The following ADGRD1 variants were observed in gnomAD, a reference collection of about 807,000 sequenced individuals.
The protein encoded by ADGRD1 is adhesion G protein-coupled receptor D1.
ADGRD1 carries 77 observed loss-of-function variants against 113.4 expected under a neutral mutation model. The observed-to-expected ratio is 0.68, with a 90% CI of 0.57 to 0.82. The LOEUF is 0.82. Ranked by LOEUF, ADGRD1 falls within the 40% of genes least tolerant of loss-of-function variation. The pLI is 0.00. For missense variants in ADGRD1, 1,036 were observed against 1,139.1 expected (o/e 0.91, Z 1.30); for synonymous variants, 474 against 475.0 (o/e 1.00, Z 0.03).
At chr12:131,030,458 G>A (rs376956031) in intron 13 of ADGRD1, 1 of 152,728 alleles carries the variant, frequency 6.5e-6, no homozygotes, top group Admixed American at 6.5e-5. Flanking sequence ...GTTGCAGCGT[G>A]CGCAGGCCCT....
At chr12:131,122,213 G>A (rs1253219739) in intron 20 of ADGRD1, among the ~76,000 whole-genome samples, 1 of 152,144 alleles carries the variant, frequency 6.6e-6, no homozygotes, top group East Asian at 1.9e-4. Flanking sequence ...GTTGCGCGGG[G>A]CGCCACGAGC....
chr12:131,118,168 TGTGA>T (rs944276920), intron 18 of ADGRD1, among the ~76,000 whole-genome samples: 2 of 152,236 alleles, frequency 1.3e-5, no homozygotes, highest in African/African-American at 4.8e-5. Context: ...AGTGTGAACA[TGTGA>T]GTATGAGTGT....
chr12:131,012,059 ATGT>A (rs1877988237), intron 12 of ADGRD1, among the ~76,000 whole-genome samples: 2 of 152,086 alleles, frequency 1.3e-5, no homozygotes, highest in Admixed American at 1.3e-4. Context: ...CAGACGGTGA[ATGT>A]TGTTCTTCCG....
chr12:131,009,692 G>A (rs1235385992), intron 12 of ADGRD1, among the ~76,000 whole-genome samples: 3 of 152,144 alleles, frequency 2.0e-5, no homozygotes, highest in Non-Finnish European at 2.9e-5. Context: ...CTTGTGTGGT[G>A]TATGTGCGTT....
chr12:131,088,730 C>T (rs1368347781), intron 15 of ADGRD1, among the ~76,000 whole-genome samples: 4 of 152,116 alleles, frequency 2.6e-5, no homozygotes, highest in African/African-American at 7.2e-5. Context: ...AGCGGCAGCC[C>T]GCTGGTGTGG....
At chr12:131,110,738 G>A (rs1950329556) in intron 18 of ADGRD1, among the ~76,000 whole-genome samples, 1 of 152,140 alleles carries the variant, frequency 6.6e-6, no homozygotes, top group Admixed American at 6.5e-5. Context: ...TTCTGTGTGT[G>A]TTAAGATTAC....
chr12:131,124,016 G>T (rs940228199), intron 20 of ADGRD1, among the ~76,000 whole-genome samples: 1 of 152,182 alleles, frequency 6.6e-6, no homozygotes, highest in Admixed American at 6.5e-5. Flanking sequence ...TGCGTGGCCC[G>T]CAAAGCCAAA....
In ADGRD1 at chr12:131,050,749, A is replaced by T. The variant is rs927669034; in HGVS notation, c.1474-26052A>T. On this transcript the variant is annotated intron_variant, in intron 13 of 24. Transcript: ENST00000261654. This position sits in a 1 kb window ranked among gnomAD's most constrained non-coding sequence, Gnocchi z 4.8. ...TTCGTGGAAGACAATTTTTGCACGG[A>T]TGGGGTGGGGGATGGATTCGGGATG... is the stretch of plus-strand genomic sequence containing the variant. 1.3e-5 allele frequency among the ~76,000 whole-genome samples: 2 copies of T among 152,058 alleles called. No homozygotes were observed. The highest frequency in any genetic ancestry group is 4.8e-5 in the African/African-American group (2 of 41,400).
rs1887283458 is a variant in ADGRD1 at position 131,096,418 on chromosome 12, C to G, written c.1672-8413C>G. 6.6e-6 allele frequency among the ~76,000 whole-genome samples: 1 copy of G among 152,166 alleles called. No homozygotes were observed. The highest frequency in any genetic ancestry group is 2.4e-5 in the African/African-American group (1 of 41,436). ...TGCACCACCATGCCTGGCAAGATAGCACACTTTAAAAAATGTATGCACGTA... is the reference window on the plus strand; with the variant it reads ...TGCACCACCATGCCTGGCAAGATAGGACACTTTAAAAAATGTATGCACGTA... On this transcript the variant is annotated intron_variant, in intron 15 of 24. Transcript: ENST00000261654. This position sits in a 1 kb window ranked among gnomAD's most constrained non-coding sequence, Gnocchi z 5.2.
intron 17 of ADGRD1, among the ~76,000 whole-genome samples, chr12:131,106,651 G>A (rs1566115770): frequency 6.6e-6 from 1 of 152,174 alleles, no homozygotes; most frequent in South Asian, 2.1e-4. Flanking sequence ...ATGCCTAGCG[G>A]GTCAGCAGAG....
intron 22 of ADGRD1, among the ~76,000 whole-genome samples, chr12:131,136,682 C>G (rs1344056141): frequency 1.3e-5 from 2 of 152,240 alleles, no homozygotes; most frequent in Non-Finnish European, 2.9e-5. Flanking sequence ...GCACGTCTTC[C>G]GGAAGTGCCT....
chr12:131,087,050 C>T (rs1350904337), intron 15 of ADGRD1, among the ~76,000 whole-genome samples: 2 of 152,150 alleles, frequency 1.3e-5, no homozygotes, highest in Non-Finnish European at 2.9e-5. Flanking sequence ...GGACTACAGG[C>T]ACATGCCACA....
At chr12:131,121,925 C>G (rs906705099) in intron 20 of ADGRD1, 1 of 152,304 alleles carries the variant, frequency 6.6e-6, no homozygotes, top group East Asian at 1.9e-4. Context: ...GGGATGGAGT[C>G]GAATGTTGGT....
rs544287535 is a variant in ADGRD1, at chr12:130,978,116, A to G, written c.311-3768A>G. 4 of 152,250 alleles carry G rather than the reference A, an allele frequency of 2.6e-5. No individual in the cohort carries two copies. In the East Asian group the frequency reaches 5.8e-4, roughly 22 times the overall value. The allele number at this position is 152,250 out of a possible 1,614,324, so 9.4% of individuals were successfully genotyped here. On this transcript the variant is annotated intron_variant, in intron 4 of 24. Coordinates refer to ENST00000261654, the MANE Select transcript of ADGRD1 (RefSeq NM_198827.5). ...TGTTGGGAGGATTTAACCTCAGCCCATATAAGTTCTCCTCACCTGCTAGAA... is the reference window on the plus strand; with the variant it reads ...TGTTGGGAGGATTTAACCTCAGCCCGTATAAGTTCTCCTCACCTGCTAGAA...
At position 130,971,376 on chromosome 12, in the gene ADGRD1, T is replaced by C; in HGVS notation, c.188-82T>C. 9.5e-7 allele frequency: 1 copy of C among 1,052,702 alleles called. No individual in the cohort carries two copies. The highest frequency in any genetic ancestry group is 1.4e-6 in the Non-Finnish European group (1 of 718,352). 65.2% of individuals were successfully genotyped at this position (1,052,702 alleles called of 1,614,324 possible). A position where few individuals can be genotyped will look rare whatever the true frequency, so the allele number is the denominator to read the frequency against. ...TAATAATGCATACTTACACATAAGT[T>C]ATTTGTAGGTCTGACACACATCTTC... On this transcript the variant is annotated intron_variant, in intron 3 of 24. Transcript: ENST00000261654. This position sits in a 1 kb window ranked among gnomAD's most constrained non-coding sequence, Gnocchi z 4.2.
chr12:131,016,906 G>T (rs1450707053), intron 13 of ADGRD1, among the ~76,000 whole-genome samples: 2 of 124,346 alleles, frequency 1.6e-5, no homozygotes, highest in African/African-American at 6.0e-5. Context: ...AAAAAAAAAA[G>T]TCTGTAAAGG....
In ADGRD1 at chr12:130,955,784, T is replaced by TA. The variant is rs572020412; in HGVS notation, c.103+1124_103+1125insA. 3.9e-3 allele frequency among the ~76,000 whole-genome samples: 593 copies of TA among 151,934 alleles called. 2 individuals are homozygous for TA. Among genetic ancestry groups the TA allele is most frequent in the Middle Eastern group, 0.01 (3 of 294 alleles). ...AAATCAGCCTTTTTAAAAAAATTATTTTTGTTTTTATTTTTTGAGACAAAG... is the reference window on the plus strand; with the variant it reads ...AAATCAGCCTTTTTAAAAAAATTATTATTTGTTTTTATTTTTTGAGACAAAG... On this transcript the variant is annotated intron_variant, in intron 2 of 24. Transcript: ENST00000261654.
In ADGRD1 at chr12:131,139,377, G is replaced by T. The variant is rs1566148343; in HGVS notation, c.*114G>T. 3 of 727,184 alleles carry T rather than the reference G, an allele frequency of 4.1e-6. No individual in the cohort carries two copies. The highest frequency in any genetic ancestry group is 7.0e-6 in the Non-Finnish European group (3 of 428,240). 45.0% of individuals were successfully genotyped at this position (727,184 alleles called of 1,614,324 possible). ...TCCTTGCTGCTGTCTGGACATGGGTGTTGTGGCCCCGAGACAGCTGTCCTC... is the reference window on the plus strand; with the variant it reads ...TCCTTGCTGCTGTCTGGACATGGGTTTTGTGGCCCCGAGACAGCTGTCCTC... On this transcript the variant is annotated 3_prime_UTR_variant, in exon 25 of 25. Coordinates refer to ENST00000261654, the MANE Select transcript of ADGRD1 (RefSeq NM_198827.5).
intron 18 of ADGRD1, among the ~76,000 whole-genome samples, chr12:131,112,333 A>G (rs986874932): frequency 2.0e-5 from 3 of 152,148 alleles, no homozygotes; most frequent in Admixed American, 1.3e-4. Flanking sequence ...TTGCCAGCCT[A>G]TGGCTCTGTT....
Sources: gnomAD v4.1 joint callset for allele counts (sites outside exome capture counted in the v4.1 genomes callset) on GRCh38, gnomAD v4.1.1 for gene constraint, Gnocchi (gnomAD v3.1) non-coding constraint, MANE v1.5 for transcripts, NCBI Gene and HGNC (gene_info 2026-07-23, HGNC 2026-07-21) for gene names.